Variants in EXOC4 observed in about 807,000 individuals in gnomAD.
EXOC4 encodes the protein exocyst complex component 4, also known as SEC8-like 1.
Under a neutral mutation model 107.2 loss-of-function variants are expected in EXOC4, and 71 were observed. The observed-to-expected ratio is 0.66, with a 90% CI of 0.55 to 0.81. The LOEUF (loss-of-function observed/expected upper bound fraction) is 0.81. EXOC4 is among the 30% of genes least tolerant of loss of function. The pLI is 0.00. For missense variants in EXOC4, 1,108 were observed against 1,189.6 expected (o/e 0.93, Z 1.01); for synonymous variants, 456 against 441.2 (o/e 1.03, Z -0.42).
rs533698742 is a variant in EXOC4 at position 133,326,573 on chromosome 7, C to T, written c.763+9183C>T. Among the ~76,000 whole-genome samples, 4 of 152,248 alleles carry T rather than the reference C, an allele frequency of 2.6e-5. No homozygotes were observed. In the East Asian group the frequency reaches 5.8e-4, roughly 22 times the overall value. On this transcript the variant is annotated intron_variant, in intron 5 of 17. Coordinates refer to ENST00000253861, the MANE Select transcript of EXOC4 (RefSeq NM_021807.4). ...TGACTGATCGTTCCTCTGGAAGCTT[C>T]GTCTCAGAGGGGCAGCCGGCTGTGT...
chr7:133,557,979 ACTT>A (rs938445989), intron 9 of EXOC4, among the ~76,000 whole-genome samples: 7 of 152,154 alleles, frequency 4.6e-5, no homozygotes, highest in African/African-American at 7.2e-5. Context: ...ACAGAGCAAG[ACTT>A]CTTCTCAAAA....
intron 17 of EXOC4, among the ~76,000 whole-genome samples, chr7:134,037,532 G>A (rs1795418964): frequency 6.6e-6 from 1 of 152,116 alleles, no homozygotes; most frequent in South Asian, 2.1e-4. Flanking sequence ...GTGGAGAGGG[G>A]CCCTGTGTTA....
At chr7:133,640,174 A>G (rs1271451496) in intron 10 of EXOC4, among the ~76,000 whole-genome samples, 1 of 152,214 alleles carries the variant, frequency 6.6e-6, no homozygotes, top group Non-Finnish European at 1.5e-5. Context: ...TCAGTACCCT[A>G]GAAGACTTGC....
chr7:133,364,360 T>C (rs1316645822), intron 6 of EXOC4, among the ~76,000 whole-genome samples: 1 of 151,966 alleles, frequency 6.6e-6, no homozygotes, highest in Non-Finnish European at 1.5e-5. Context: ...AGGCTGGCCT[T>C]GAACTCCCGG....
intron 10 of EXOC4, among the ~76,000 whole-genome samples, chr7:133,753,362 A>G (rs1233577919): frequency 6.6e-6 from 1 of 152,176 alleles, no homozygotes; most frequent in African/African-American, 2.4e-5. Flanking sequence ...TGTTACTAGC[A>G]TTGACATCCA....
chr7:134,099,873 A>C, the EXOC4 span, among the ~76,000 whole-genome samples: 5 of 151,764 alleles, frequency 3.3e-5, no homozygotes, highest in Admixed American at 1.3e-4. Flanking sequence ...CACCCAGCTA[A>C]TTTTTGTATT....
intron 10 of EXOC4, among the ~76,000 whole-genome samples, chr7:133,775,573 A>G (rs1463499035): frequency 6.6e-6 from 1 of 152,186 alleles, no homozygotes; most frequent in African/African-American, 2.4e-5. Context: ...CATGTCTATA[A>G]CTATACTAAG....
intron 17 of EXOC4, among the ~76,000 whole-genome samples, chr7:134,042,281 A>T (rs1244287681): frequency 2.6e-5 from 4 of 152,216 alleles, no homozygotes; most frequent in African/African-American, 7.2e-5. Context: ...AGTTTAAAAG[A>T]CTATTATTTC....
At chr7:133,979,569 C>G (rs561075495) in intron 14 of EXOC4, among the ~76,000 whole-genome samples, 97 of 152,240 alleles carry the variant, frequency 6.4e-4, no homozygotes, top group African/African-American at 2.2e-3. Context: ...AGGTGGATCA[C>G]AAGGTCAAGA....
chr7:133,359,422 A>G (rs1796092006), intron 6 of EXOC4, among the ~76,000 whole-genome samples: 1 of 152,210 alleles, frequency 6.6e-6, no homozygotes, highest in Non-Finnish European at 1.5e-5. Context: ...GAGAAGTAAA[A>G]TCACAATACT....
intron 10 of EXOC4, among the ~76,000 whole-genome samples, chr7:133,793,391 G>A (rs1381950091): frequency 2.0e-5 from 3 of 152,136 alleles, no homozygotes; most frequent in Non-Finnish European, 4.4e-5. Flanking sequence ...TACTCATGGC[G>A]TCGGGCAGTT....
intron 12 of EXOC4, among the ~76,000 whole-genome samples, chr7:133,905,895 A>T (rs987903624): frequency 3.3e-5 from 5 of 152,132 alleles, no homozygotes; most frequent in Admixed American, 3.3e-4. Context: ...GGGGCTAGGC[A>T]GCTTGTTGAC....
rs1372694297 is a variant in EXOC4 at position 133,306,276 on chromosome 7, C to T, written c.656+215C>T. 1.3e-5 allele frequency among the ~76,000 whole-genome samples: 2 copies of T among 152,044 alleles called. 1 individual carries two copies. Among genetic ancestry groups the T allele is most frequent in the Admixed American group, 1.3e-4 (2 of 15,262 alleles). On this transcript the variant is annotated intron_variant, in intron 4 of 17. Transcript: ENST00000253861. Reference sequence around the variant, plus strand: ...CATTCATTCTACATTTATTATGGTCCTTTTCTGTAAGGATATATAAGAAGC... The same window carrying T: ...CATTCATTCTACATTTATTATGGTCTTTTTCTGTAAGGATATATAAGAAGC...
intron 7 of EXOC4, among the ~76,000 whole-genome samples, chr7:133,389,816 T>G (rs1044398472): frequency 6.0e-5 from 9 of 150,448 alleles, no homozygotes; most frequent in African/African-American, 2.2e-4. Flanking sequence ...GAATCACAGT[T>G]CCATGTGGCT....
At chr7:133,997,465 G>T in intron 14 of EXOC4, 27 bp from the exon 15 acceptor site, 1 of 1,611,696 alleles carries the variant, frequency 6.2e-7, no homozygotes, top group Non-Finnish European at 8.5e-7. Flanking sequence ...CTAATGAAAT[G>T]ATTGGTGTTT....
chr7:134,022,666 T>C (rs1795053460), intron 17 of EXOC4, among the ~76,000 whole-genome samples: 1 of 152,226 alleles, frequency 6.6e-6, no homozygotes, highest in Admixed American at 6.5e-5. Flanking sequence ...TACCAACCTC[T>C]ATGTTGACTC....
chr7:133,969,948 G>A (rs1237654506), intron 14 of EXOC4, among the ~76,000 whole-genome samples: 1 of 152,216 alleles, frequency 6.6e-6, no homozygotes, highest in Non-Finnish European at 1.5e-5. Flanking sequence ...TCCCACAGCT[G>A]CCCCTTCCCC....
intron 14 of EXOC4, among the ~76,000 whole-genome samples, chr7:133,976,719 G>A (rs1203608975): frequency 6.6e-6 from 1 of 152,208 alleles, no homozygotes; most frequent in Non-Finnish European, 1.5e-5. Flanking sequence ...GTAGTTACCA[G>A]TCAGAGACCA....
intron 9 of EXOC4, among the ~76,000 whole-genome samples, chr7:133,482,461 ATGAG>A (rs1799179799): frequency 6.6e-6 from 1 of 152,156 alleles, no homozygotes; most frequent in African/African-American, 2.4e-5. Context: ...TTATGCTTGT[ATGAG>A]TGAGAATGGA....
Sources: allele counts gnomAD v4.1 joint callset (sites outside exome capture counted in the v4.1 genomes callset), GRCh38; gene constraint gnomAD v4.1.1; transcripts MANE v1.5; gene names NCBI Gene and HGNC (gene_info 2026-07-23, HGNC 2026-07-21).